The following PLEKHM3 variants were observed in gnomAD, a reference collection of about 807,000 sequenced individuals.
The protein encoded by PLEKHM3 is pleckstrin homology domain containing M3.
Under a neutral mutation model 81.8 loss-of-function variants are expected in PLEKHM3, and 45 were observed. The observed-to-expected ratio is 0.55, with a 90% CI of 0.43 to 0.71. The LOEUF is 0.71. PLEKHM3 is among the 30% of genes least tolerant of loss of function. The pLI, the probability that PLEKHM3 is intolerant of heterozygous loss-of-function variation, is 0.00. For missense variants in PLEKHM3, 788 were observed against 924.3 expected, an observed-to-expected ratio of 0.85 and a Z score of 1.91; for synonymous variants, 352 against 356.4, an observed-to-expected ratio of 0.99 and a Z score of 0.14.
intron 3 of PLEKHM3, among the ~76,000 whole-genome samples, chr2:207,956,718 ATTTTTTTTTTTTTT>A (rs1170073686): frequency 8.7e-5 from 6 of 69,146 alleles, no homozygotes; most frequent in East Asian, 4.2e-4. Context: ...GCTGATTAAA[ATTTTTTTTTTTTTT>A]TTTTTTTTTT....
intron 2 of PLEKHM3, among the ~76,000 whole-genome samples, chr2:207,987,348 C>T (rs985093716): frequency 2.6e-5 from 4 of 152,184 alleles, no homozygotes; most frequent in South Asian, 2.1e-4. Flanking sequence ...CTCTAGCCAC[C>T]GACTCTAATT....
At chr2:207,903,378 G>A (rs974820264) in intron 6 of PLEKHM3, among the ~76,000 whole-genome samples, 4 of 151,964 alleles carry the variant, frequency 2.6e-5, no homozygotes, top group African/African-American at 7.3e-5. Context: ...AGGGAGTAGC[G>A]GGGAGGGCCT....
intron 7 of PLEKHM3, among the ~76,000 whole-genome samples, chr2:207,853,700 C>T (rs889034757): frequency 1.3e-5 from 2 of 152,106 alleles, no homozygotes; most frequent in South Asian, 2.1e-4. Flanking sequence ...TGCCACTGCA[C>T]TCCAGCCTTG....
At chr2:207,835,254 C>T (rs994026996) in intron 7 of PLEKHM3, among the ~76,000 whole-genome samples, 2 of 152,092 alleles carry the variant, frequency 1.3e-5, no homozygotes, top group African/African-American at 2.4e-5. Context: ...GTTTCAACAA[C>T]TTCTGCAATA....
At chr2:207,948,523 T>C (rs535662694) in intron 3 of PLEKHM3, among the ~76,000 whole-genome samples, 154 of 144,360 alleles carry the variant, frequency 1.1e-3, no homozygotes, top group Non-Finnish European at 1.7e-3. Context: ...GCCCAGCTAA[T>C]TGTTGTATTT....
chr2:207,840,806 T>A (rs868424915), intron 7 of PLEKHM3, among the ~76,000 whole-genome samples: 8,400 of 142,024 alleles, frequency 0.059, 646 homozygotes, highest in African/African-American at 0.16. Context: ...TATGTTTTTT[T>A]TTTTTTTTTT....
rs2092466269 is a variant in PLEKHM3 at position 207,861,385 on chromosome 2, G to C, written c.1951-123C>G. The C allele has an allele frequency of 2.7e-6, 3 of 1,107,932 alleles. No individual in the cohort carries two copies. The South Asian group carries it at 5.2e-5, about 19-fold the overall frequency. 68.6% of individuals were successfully genotyped at this position (1,107,932 alleles called of 1,614,324 possible). On this transcript the variant is annotated intron_variant, in intron 6 of 7. Coordinates refer to ENST00000427836, the MANE Select transcript of PLEKHM3 (RefSeq NM_001080475.3). ...GAAAACCTCTAATTATAATTTCTCA[G>C]CAACTCTGAGGAAGAAAAGACATAG...
intron 3 of PLEKHM3, among the ~76,000 whole-genome samples, chr2:207,968,326 AAGG>A (rs1239696298): frequency 1.3e-5 from 2 of 152,088 alleles, no homozygotes; most frequent in Non-Finnish European, 2.9e-5. Flanking sequence ...AGCAAAAGCC[AAGG>A]AGATTTTCCC....
Position 208,001,922 on chromosome 2 carries a change from A to C in PLEKHM3, c.-283T>G. 1 of 409,732 alleles carries C rather than the reference A, an allele frequency of 2.4e-6. No individual in the cohort carries two copies. Among genetic ancestry groups the C allele is most frequent in the Non-Finnish European group, 4.4e-6 (1 of 228,262 alleles). 25.4% of individuals were successfully genotyped at this position (409,732 alleles called of 1,614,324 possible). The stretch of plus-strand genomic sequence containing the variant: ...GACCTCTGTGAAGACAACAGCAAGT[A>C]CTTGTCAAAGCAATGCCACGCCAAT... On this transcript the variant is annotated 5_prime_UTR_variant, in exon 2 of 8. Coordinates refer to ENST00000427836, the MANE Select transcript of PLEKHM3 (RefSeq NM_001080475.3).
At chr2:207,956,122 G>C (rs911890592) in intron 3 of PLEKHM3, among the ~76,000 whole-genome samples, 2 of 152,176 alleles carry the variant, frequency 1.3e-5, no homozygotes, top group Non-Finnish European at 2.9e-5. Flanking sequence ...ATTGTAAATA[G>C]AGGAGTATGA....
chr2:207,921,526 G>A (rs749146465), intron 5 of PLEKHM3, among the ~76,000 whole-genome samples: 1 of 152,068 alleles, frequency 6.6e-6, no homozygotes, highest in Non-Finnish European at 1.5e-5. Context: ...CATTCAAAAT[G>A]CACTTTTCTA....
chr2:208,016,668 A>AAAACACACACACACACAC (rs1553568085), intron 1 of PLEKHM3, among the ~76,000 whole-genome samples: 8 of 61,548 alleles, frequency 1.3e-4, no homozygotes, highest in Non-Finnish European at 2.8e-4. Context: ...AAAAAAAAAA[A>AAAACACACACACACACAC]ATACACACAC....
chr2:207,982,251 C>G (rs556411847), intron 2 of PLEKHM3, among the ~76,000 whole-genome samples: 118 of 133,170 alleles, frequency 8.9e-4, no homozygotes, highest in African/African-American at 2.8e-3. Flanking sequence ...CTCGCTCCCC[C>G]CCTCCCTCGC....
intron 1 of PLEKHM3, among the ~76,000 whole-genome samples, chr2:208,020,526 T>C (rs908630629): frequency 6.6e-6 from 1 of 152,216 alleles, no homozygotes; most frequent in Non-Finnish European, 1.5e-5. Context: ...GATCCCACAG[T>C]AGCCAATGAA....
chr2:207,946,278 A>G, intron 4 of PLEKHM3, 89 bp downstream of exon 4: 1 of 1,441,326 alleles, frequency 6.9e-7, no homozygotes. Context: ...ATCTGCTTCA[A>G]ATTGTTTGAT....
chr2:207,858,733 C>T lies in PLEKHM3; in HGVS notation c.2108+2372G>A, dbSNP rs141468677. Among the ~76,000 whole-genome samples the T allele has an allele frequency of 3.7e-3, 561 of 152,140 alleles. 4 individuals are homozygous for T. Among genetic ancestry groups the T allele is most frequent in the Non-Finnish European group, 4.8e-3 (329 of 67,988 alleles). Reference sequence around the variant, plus strand: ...TGTCCTCAAGTGATCCACCCACCTGCGCCTCCCAAAGCACTGGGATTATAG... The same window carrying T: ...TGTCCTCAAGTGATCCACCCACCTGTGCCTCCCAAAGCACTGGGATTATAG... On this transcript the variant is annotated intron_variant, in intron 7 of 7. Coordinates refer to ENST00000427836, the MANE Select transcript of PLEKHM3 (RefSeq NM_001080475.3).
chr2:207,965,364 A>G (rs1433644044), intron 3 of PLEKHM3, among the ~76,000 whole-genome samples: 1 of 151,840 alleles, frequency 6.6e-6, no homozygotes, highest in African/African-American at 2.4e-5. Flanking sequence ...AAAGTATAGC[A>G]ACAAAGACTA....
At position 207,828,877 on chromosome 2, in the gene PLEKHM3, A is replaced by G. The variant is rs2092268521; in HGVS notation, c.2109-381T>C. On this transcript the variant is annotated intron_variant, in intron 7 of 7. Transcript: ENST00000427836. ...GGAGTGCCTCGTGAAAACGCTCGGC[A>G]CACCAGTGACAGCCACAGCGTTACA... Among the ~76,000 whole-genome samples, 2 of 152,150 alleles carry G rather than the reference A, an allele frequency of 1.3e-5. 1 individual carries two copies. The highest frequency in any genetic ancestry group is 4.1e-4 in the South Asian group (2 of 4,826).
chr2:207,908,841 G>T (rs536086745), intron 5 of PLEKHM3, among the ~76,000 whole-genome samples: 80 of 152,306 alleles, frequency 5.3e-4, no homozygotes, highest in Admixed American at 8.5e-4. Context: ...GGTGGCCCAG[G>T]TCTGAGGACC....
Sources: gnomAD v4.1 joint callset for allele counts (sites outside exome capture counted in the v4.1 genomes callset) on GRCh38, gnomAD v4.1.1 for gene constraint, MANE v1.5 for transcripts, NCBI Gene and HGNC (gene_info 2026-07-23, HGNC 2026-07-21) for gene names.